The following DDX54 variants were observed in gnomAD, a reference collection of about 807,000 sequenced individuals.
DDX54 encodes the protein DEAD-box helicase 54, also known as ATP-dependent RNA helicase DDX54.
In DDX54, 67 loss-of-function variants were observed where a neutral mutation model predicts 105.5. That is an observed-to-expected ratio of 0.64 (90% CI 0.52 to 0.78). DDX54 has a LOEUF of 0.78. Ranked by LOEUF, DDX54 falls within the 30% of genes least tolerant of loss-of-function variation. DDX54 has a pLI of 0.00. For missense variants in DDX54, 1,206 were observed against 1,230.5 expected (o/e 0.98, Z 0.30); for synonymous variants, 514 against 509.9 (o/e 1.01, Z -0.11).
Position 113,158,671 on chromosome 12 carries a change from C to G in DDX54, c.*206G>C. 3.3e-6 allele frequency: 2 copies of G among 607,214 alleles called. No individual in the cohort carries two copies. Among genetic ancestry groups the G allele is most frequent in the South Asian group, 5.4e-5 (2 of 36,896 alleles). 37.6% of individuals were successfully genotyped at this position (607,214 alleles called of 1,614,324 possible). On this transcript the variant is annotated 3_prime_UTR_variant, in exon 20 of 20. Coordinates refer to ENST00000306014, the MANE Select transcript of DDX54 (RefSeq NM_024072.4). The surrounding 1 kb of genome is among the most constrained non-coding windows in gnomAD (Gnocchi z 4.9). ...TGCTGGCGAACTCCTGCACACCCTT[C>G]AAGGCCCTGTTCAAATGTCTCTGTC...
rs772668431 is a variant in DDX54 at position 113,163,257 on chromosome 12, G to A, written c.1956C>T (p.Val652=). 19 of 1,609,316 alleles carry A rather than the reference G, an allele frequency of 1.2e-5. No individual in the cohort carries two copies. The highest frequency in any genetic ancestry group is 9.3e-5 in the African/African-American group (7 of 74,904). Residue 652 remains valine (V), a synonymous_variant, in exon 16 of 20, where the codon GTC becomes GTT. Transcript: ENST00000306014. This position sits in a 1 kb window ranked among gnomAD's most constrained non-coding sequence, Gnocchi z 5.9. ...GESVEDIFSE[V]VGRKRQRSGP... ...CTGACCGCTGCCGCTTCCGGCCCAC[G>A]ACCTCTGAGAAAATGTCCTGGCAGA...
intron 11 of DDX54, among the ~76,000 whole-genome samples, chr12:113,170,545 G>A (rs1952324744): frequency 6.6e-6 from 1 of 152,146 alleles, no homozygotes; most frequent in Admixed American, 6.5e-5. Flanking sequence ...AGGCTGAGCT[G>A]GGAGGATTGC....
intron 12 of DDX54, among the ~76,000 whole-genome samples, 157 bp from the exon 13 acceptor site, chr12:113,166,189 G>C (rs1217170393): frequency 6.6e-6 from 1 of 152,248 alleles, no homozygotes; most frequent in African/African-American, 2.4e-5. Context: ...GGAGGAGCTA[G>C]AGAGCCAGAC....
Position 113,165,891 on chromosome 12 carries a change from T to A in DDX54, c.1556A>T (p.Tyr519Phe), listed in dbSNP as rs1214816697. The change falls in exon 13 of 20, where the codon TAT (tyrosine) becomes TTT (phenylalanine). Residue 519 changes from tyrosine (Y) to phenylalanine (F), a missense_variant. Tyr to Phe is a conservative substitution (Grantham distance 22, BLOSUM62 3). This residue lies in a region of DDX54 where 961 missense variants were observed against 1,019.1 expected (regional missense o/e 0.94). Coordinates refer to ENST00000306014, the MANE Select transcript of DDX54 (RefSeq NM_024072.4). ...CGAGGGCGCCGGGCGTGAGCGCACATACTGCTGCTGGGCGTTATCAGCAAC... is the reference window on the plus strand; with the variant it reads ...CGAGGGCGCCGGGCGTGAGCGCACAAACTGCTGCTGGGCGTTATCAGCAAC... ...ARVADNAQQQYVRSRPAPSPE... is the reference protein window; with the variant it reads ...ARVADNAQQQFVRSRPAPSPE... 4 of 1,613,754 alleles carry A rather than the reference T, an allele frequency of 2.5e-6. No individual in the cohort carries two copies. Among genetic ancestry groups the A allele is most frequent in the Non-Finnish European group, 3.4e-6 (4 of 1,180,024 alleles).
At position 113,172,547 on chromosome 12, in the gene DDX54, C is replaced by A. The variant is rs566892085; in HGVS notation, c.1085G>T (p.Arg362Leu). The change falls in exon 11 of 20, where the codon CGG becomes CTG. Residue 362 changes from arginine (R) to leucine (L), a missense_variant. By Grantham distance (102) the Arg-to-Leu change is moderately radical (BLOSUM62 -2). This residue lies in a region of DDX54 where 961 missense variants were observed against 1,019.1 expected (regional missense o/e 0.94). Coordinates refer to ENST00000306014, the MANE Select transcript of DDX54 (RefSeq NM_024072.4). ...ACTGTAGATGTGGGCGCAGCTCACCCGCTGGGTCGTCAGCAGCTGCTCAGA... is the reference window on the plus strand; with the variant it reads ...ACTGTAGATGTGGGCGCAGCTCACCAGCTGGGTCGTCAGCAGCTGCTCAGA... Reference protein sequence around the residue: ...EYLTELLTTQRVSCAHIYSAL... With the variant: ...EYLTELLTTQLVSCAHIYSAL... 1 of 1,614,140 alleles carries A rather than the reference C, an allele frequency of 6.2e-7. No homozygotes were observed. The highest frequency in any genetic ancestry group is 1.7e-5 in the Admixed American group (1 of 60,026).
chr12:113,174,941 A>T lies in DDX54; in HGVS notation c.875-5T>A. On this transcript the variant is annotated splice_region_variant and splice_polypyrimidine_tract_variant and intron_variant, in intron 8 of 19. Coordinates refer to ENST00000306014, the MANE Select transcript of DDX54 (RefSeq NM_024072.4). ...TGAGCACGGGCTCCGTGAGGCCTGC[A>T]GGAGACATGGGGGAAAGTGGGGGAG... 1 of 1,613,032 alleles carries T rather than the reference A, an allele frequency of 6.2e-7. No homozygotes were observed. The highest frequency in any genetic ancestry group is 8.5e-7 in the Non-Finnish European group (1 of 1,179,566).
chr12:113,165,808 G>A lies in DDX54; in HGVS notation c.1639C>T (p.Leu547Phe). The change falls in exon 13 of 20, where the codon CTC (leucine) becomes TTC (phenylalanine). Residue 547 changes from leucine to phenylalanine, a missense_variant. Transcript: ENST00000306014. The stretch of plus-strand genomic sequence containing the variant: ...GCCTTGTAGAAGGACTCACTGAAGA[G>A]GGGGTGCAGGCCCAGCCCCACAAGG... ...MDLVGLGLHP[L>F]FSSRFEEEEL... 1 of 1,603,492 alleles carries A rather than the reference G, an allele frequency of 6.2e-7. No homozygotes were observed.
At chr12:113,161,201 G>A in intron 19 of DDX54, 69 bp downstream of exon 19, 1 of 1,310,646 alleles carries the variant, frequency 7.6e-7, no homozygotes, top group Non-Finnish European at 1.1e-6. Context: ...CTGTGCCTCA[G>A]CGTTACCCTA....
Position 113,157,750 on chromosome 12 carries a change from A to G in DDX54, c.*1127T>C, listed in dbSNP as rs112274118. ...TGAGATAGGAGGGCCCACATTTCCA[A>G]TGGGGTGTGGACTGAGTGGCTCTTC... is the stretch of plus-strand genomic sequence containing the variant. On this transcript the variant is annotated 3_prime_UTR_variant, in exon 20 of 20. Coordinates refer to ENST00000306014, the MANE Select transcript of DDX54 (RefSeq NM_024072.4). 4.0e-6 allele frequency: 5 copies of G among 1,247,640 alleles called. No individual in the cohort carries two copies. The highest frequency in any genetic ancestry group is 2.0e-5 in the Admixed American group (1 of 50,552). The allele number at this position is 1,247,640 out of a possible 1,614,324, so 77.3% of individuals were successfully genotyped here.
At chr12:113,181,566 C>T (rs1011808129) in intron 1 of DDX54, among the ~76,000 whole-genome samples, 12 of 151,904 alleles carry the variant, frequency 7.9e-5, no homozygotes, top group Admixed American at 2.0e-4. Context: ...CCTTCTTGGC[C>T]TCCCAAAGTG....
intron 2 of DDX54, among the ~76,000 whole-genome samples, chr12:113,180,249 A>G (rs1360710434): frequency 6.6e-6 from 1 of 152,188 alleles, no homozygotes; most frequent in East Asian, 1.9e-4. Context: ...GGATCTCTGA[A>G]CACTAACGGG....
intron 3 of DDX54, among the ~76,000 whole-genome samples, chr12:113,179,725 G>A (rs777051426): frequency 9.2e-5 from 14 of 152,222 alleles, no homozygotes; most frequent in Non-Finnish European, 2.1e-4. Flanking sequence ...GCAGCCTCCA[G>A]GAGGCTCAAC....
At chr12:113,172,251 C>T in intron 11 of DDX54, 102 bp downstream of exon 11, 4 of 1,349,414 alleles carry the variant, frequency 3.0e-6, no homozygotes, top group Non-Finnish European at 4.1e-6. Flanking sequence ...ACAAGGCCCA[C>T]AGCCACCCCA....
In DDX54 at chr12:113,163,651, T is replaced by G. The variant is rs1284542828; in HGVS notation, c.1939-377A>C. Among the ~76,000 whole-genome samples the G allele has an allele frequency of 1.3e-5, 2 of 152,064 alleles. No individual in the cohort carries two copies. Among genetic ancestry groups the G allele is most frequent in the Non-Finnish European group, 2.9e-5 (2 of 67,988 alleles). On this transcript the variant is annotated intron_variant, in intron 15 of 19. Coordinates refer to ENST00000306014, the MANE Select transcript of DDX54 (RefSeq NM_024072.4). This position sits in a 1 kb window ranked among gnomAD's most constrained non-coding sequence, Gnocchi z 5.9. ...ATGGACTAGGCCAGGGGTCTCCAACTGGTCTTCTTGGCTACTGAACCCTCT... is the reference window on the plus strand; with the variant it reads ...ATGGACTAGGCCAGGGGTCTCCAACGGGTCTTCTTGGCTACTGAACCCTCT...
At chr12:113,166,380 A>G (rs928514912) in intron 12 of DDX54, among the ~76,000 whole-genome samples, 7 of 152,104 alleles carry the variant, frequency 4.6e-5, no homozygotes, top group Admixed American at 6.5e-5. Context: ...CAGAGCCTAG[A>G]ATATGTACTA....
rs549649767 is a variant in DDX54, at chr12:113,179,949, G to T, written c.361C>A (p.Pro121Thr). ...CCACCCCTCACCTTCCTCTGGATGG[G>T]TGTTGGCACCTTGTACCCCTTCTTC... ...IMKKGYKVPT[P>T]IQRKTIPVIL... Residue 121 changes from proline to threonine, a missense_variant, in exon 3 of 20, where the codon CCC becomes ACC. Pro to Thr is a conservative substitution (Grantham distance 38). Around this residue, in one of 3 missense-constraint regions of DDX54, gnomAD observed 33 missense variants for 56.0 expected, o/e 0.59. Transcript: ENST00000306014. 1.9e-6 allele frequency: 3 copies of T among 1,614,140 alleles called. No homozygotes were observed. The highest frequency in any genetic ancestry group is 4.5e-5 in the East Asian group (2 of 44,882).
chr12:113,169,414 C>T (rs899991635), intron 12 of DDX54, among the ~76,000 whole-genome samples: 4 of 152,016 alleles, frequency 2.6e-5, no homozygotes, highest in East Asian at 3.9e-4. Flanking sequence ...GTCAGGAGTT[C>T]GAGATCAGCC....
chr12:113,174,874 C>A lies in DDX54; in HGVS notation c.936+1G>T. ...CTGGGATGGGACAGGTGCAGCCTCA[C>A]CTTCAGCTGCTCGTTGAGCTTGGTA... On this transcript the variant is annotated splice_donor_variant, in intron 9 of 19. Coordinates refer to ENST00000306014, the MANE Select transcript of DDX54 (RefSeq NM_024072.4). LOFTEE classifies it high-confidence loss of function. 6.2e-7 allele frequency: 1 copy of A among 1,614,130 alleles called. No homozygotes were observed. Among genetic ancestry groups the A allele is most frequent in the Non-Finnish European group, 8.5e-7 (1 of 1,180,014 alleles).
At chr12:113,176,778 C>T in intron 7 of DDX54, 62 bp downstream of exon 7, 3 of 1,566,434 alleles carry the variant, frequency 1.9e-6, no homozygotes, top group Admixed American at 3.4e-5. Flanking sequence ...CTCTGGTTGA[C>T]CTCTCTGCCT....
Sources: gnomAD v4.1 joint callset for allele counts (sites outside exome capture counted in the v4.1 genomes callset) on GRCh38, gnomAD v4.1.1 for gene constraint, gnomAD v4.1.1 regional missense constraint, Gnocchi (gnomAD v3.1) non-coding constraint, MANE v1.5 for transcripts, NCBI Gene and HGNC (gene_info 2026-07-23, HGNC 2026-07-21) for gene names.